ATP6V0A1: variants seen among roughly 807,000 people sequenced by gnomAD.
ATP6V0A1 encodes the protein ATPase H+ transporting V0 subunit a1.
ATP6V0A1 carries 43 observed loss-of-function variants against 105.4 expected under a neutral mutation model. The observed-to-expected ratio is 0.41, with a 90% CI of 0.32 to 0.53. The LOEUF is 0.53. Ranked by LOEUF, ATP6V0A1 falls within the 20% of genes least tolerant of loss-of-function variation. The pLI is 0.30. For synonymous variants in ATP6V0A1, 362 were observed against 372.8 expected (o/e 0.97, Z 0.33); for missense variants, 676 against 1,051.1 (o/e 0.64, Z 4.93).
At chr17:42,495,875 C>T in intron 14 of ATP6V0A1, 159 bp downstream of exon 14, 1 of 604,190 alleles carries the variant, frequency 1.7e-6, no homozygotes, top group Non-Finnish European at 2.9e-6. Flanking sequence ...GAGGTGGGAT[C>T]ACCTGAGGTC....
intron 5 of ATP6V0A1, among the ~76,000 whole-genome samples, chr17:42,474,319 C>T (rs979839223): frequency 6.6e-6 from 1 of 151,174 alleles, no homozygotes; most frequent in Non-Finnish European, 1.5e-5. Context: ...CTATTTTATT[C>T]AAAACTTTTT....
Position 42,468,214 on chromosome 17 carries a change from T to C in ATP6V0A1, c.294+107T>C, listed in dbSNP as rs1029141731. The C allele has an allele frequency of 6.5e-6, 4 of 611,162 alleles. No individual in the cohort carries two copies. The African/African-American group carries it at 7.7e-5, about 12-fold the overall frequency. 37.9% of individuals were successfully genotyped at this position (611,162 alleles called of 1,614,324 possible). ...TAATTCTTGCTAACTTTGTCAGCAT[T>C]ATCTACTGATTGTAAGTTTCTTGTA... On this transcript the variant is annotated intron_variant, in intron 4 of 21. Transcript: ENST00000343619.
intron 17 of ATP6V0A1, among the ~76,000 whole-genome samples, chr17:42,503,130 C>A (rs138259162): frequency 3.3e-5 from 5 of 152,168 alleles, no homozygotes; most frequent in African/African-American, 1.2e-4. Flanking sequence ...TTGTTGTACC[C>A]TCACTGAGTC....
At chr17:42,474,003 C>T (rs2088358914) in intron 5 of ATP6V0A1, among the ~76,000 whole-genome samples, 1 of 151,510 alleles carries the variant, frequency 6.6e-6, no homozygotes, top group Non-Finnish European at 1.5e-5. Context: ...TTTTCCCTCT[C>T]CTATTTTTTT....
Position 42,521,412 on chromosome 17 carries a change from C to T in ATP6V0A1, c.*292C>T. The T allele has an allele frequency of 7.9e-6, 2 of 252,278 alleles. No homozygotes were observed. The highest frequency in any genetic ancestry group is 1.5e-5 in the Non-Finnish European group (2 of 131,856). The allele number at this position is 252,278 out of a possible 1,614,324, so 15.6% of individuals were successfully genotyped here. A position where few individuals can be genotyped will look rare whatever the true frequency, so the allele number is the denominator to read the frequency against. On this transcript the variant is annotated 3_prime_UTR_variant, in exon 22 of 22. Transcript: ENST00000343619. This position sits in a 1 kb window ranked among gnomAD's most constrained non-coding sequence, Gnocchi z 4.8. ...CACCTCCTGGTGGTGAGCCAGTCTG[C>T]ATTCCCACGCCATCCCAAAGCCCTT...
chr17:42,469,323 CTTTTTTT>C (rs58501978), intron 4 of ATP6V0A1, among the ~76,000 whole-genome samples: 170 of 102,312 alleles, frequency 1.7e-3, no homozygotes, highest in African/African-American at 5.9e-3. Flanking sequence ...AAAGGAAAGA[CTTTTTTT>C]TTTTTTTTTT....
chr17:42,483,006 A>G (rs1313738503), intron 8 of ATP6V0A1, 32 bp from the exon 9 acceptor site: 2 of 1,382,336 alleles, frequency 1.4e-6, no homozygotes, highest in Admixed American at 5.0e-5. Flanking sequence ...AAATTAGATA[A>G]GTTAAGAAAC....
intron 8 of ATP6V0A1, 39 bp downstream of exon 8, chr17:42,480,788 G>A: frequency 6.3e-7 from 1 of 1,578,240 alleles, no homozygotes; most frequent in South Asian, 1.1e-5. Flanking sequence ...GCACAGCCAT[G>A]CTGCCCAACT....
At position 42,487,396 on chromosome 17, in the gene ATP6V0A1, C is replaced by T. The variant is rs189152371; in HGVS notation, c.1023+29C>T. 1.3e-3 allele frequency: 2,020 copies of T among 1,606,028 alleles called. 1 individual carries two copies. Among genetic ancestry groups the T allele is most frequent in the Admixed American group, 2.6e-3 (157 of 59,996 alleles). On this transcript the variant is annotated intron_variant, in intron 10 of 21. Coordinates refer to ENST00000343619, the MANE Select transcript of ATP6V0A1 (RefSeq NM_001130021.3). ...AGTCCCCAAAGCTAACAATGCAGCT[C>T]GTGGCCCGGAAGAGAGGTTCCCATC...
chr17:42,494,313 C>CT (rs1196178208), intron 11 of ATP6V0A1, 21 bp from the exon 12 acceptor site: 5 of 1,592,652 alleles, frequency 3.1e-6, no homozygotes, highest in Admixed American at 1.7e-5. Context: ...TTGTATTTTT[C>CT]TTTTTTTGGT....
In ATP6V0A1 at chr17:42,469,787, C is replaced by T. The variant is rs542908017; in HGVS notation, c.295-303C>T. Among the ~76,000 whole-genome samples the T allele has an allele frequency of 2.8e-4, 42 of 152,286 alleles. No homozygotes were observed. In the South Asian group the frequency reaches 6.2e-3, roughly 23 times the overall value. ...CCTCCCAAGTAGCTGGGACTACAGTCATGCGCCAGCACGCCCAGCTAATTT... is the reference window on the plus strand; with the variant it reads ...CCTCCCAAGTAGCTGGGACTACAGTTATGCGCCAGCACGCCCAGCTAATTT... On this transcript the variant is annotated intron_variant, in intron 4 of 21. Coordinates refer to ENST00000343619, the MANE Select transcript of ATP6V0A1 (RefSeq NM_001130021.3).
chr17:42,464,412 C>CT (rs1283310405), intron 2 of ATP6V0A1, among the ~76,000 whole-genome samples: 1 of 143,738 alleles, frequency 7.0e-6, no homozygotes, highest in Non-Finnish European at 1.5e-5. Flanking sequence ...TTTTTTTTTT[C>CT]TTTTTTTTGA....
intron 17 of ATP6V0A1, among the ~76,000 whole-genome samples, chr17:42,502,500 A>G (rs1466215691): frequency 6.6e-6 from 1 of 151,964 alleles, no homozygotes; most frequent in Admixed American, 6.6e-5. Context: ...GCGCGCGCAC[A>G]CACACACACA....
intron 2 of ATP6V0A1, among the ~76,000 whole-genome samples, chr17:42,461,275 C>T (rs1323086911): frequency 6.6e-6 from 1 of 152,020 alleles, no homozygotes; most frequent in African/African-American, 2.4e-5. Context: ...GAGAGGTTAC[C>T]AAACTAACCT....
chr17:42,495,723 G>A lies in ATP6V0A1; in HGVS notation c.1560+7G>A. On this transcript the variant is annotated splice_region_variant and intron_variant, in intron 14 of 21. Coordinates refer to ENST00000343619, the MANE Select transcript of ATP6V0A1 (RefSeq NM_001130021.3). ...CCCTTTTGGCATTGATCCAGTAAGA[G>A]GACTTCCTTCCTATATGCTAACCTC... 1 of 1,607,232 alleles carries A rather than the reference G, an allele frequency of 6.2e-7. No homozygotes were observed. Among genetic ancestry groups the A allele is most frequent in the Non-Finnish European group, 8.5e-7 (1 of 1,173,832 alleles).
chr17:42,514,549 C>T, intron 21 of ATP6V0A1, 89 bp downstream of exon 21: 1 of 1,318,660 alleles, frequency 7.6e-7, no homozygotes, highest in Non-Finnish European at 1.0e-6. Context: ...CACAGCCCTG[C>T]AGCTCTGTGC....
At chr17:42,520,366 G>A (rs1273548026) in intron 21 of ATP6V0A1, 1 of 451,204 alleles carries the variant, frequency 2.2e-6, no homozygotes, top group Non-Finnish European at 4.5e-6. Context: ...AGAGTGAAAG[G>A]GCCCCACAGA....
chr17:42,514,156 A>G, intron 20 of ATP6V0A1, 133 bp from the exon 21 acceptor site: 1 of 1,322,870 alleles, frequency 7.6e-7, no homozygotes, highest in Non-Finnish European at 1.1e-6. Flanking sequence ...TTAGCTCTGC[A>G]TGGTGGTCCC....
chr17:42,475,809 A>G (rs1175869339), intron 5 of ATP6V0A1, among the ~76,000 whole-genome samples: 1 of 152,158 alleles, frequency 6.6e-6, no homozygotes, highest in Non-Finnish European at 1.5e-5. Flanking sequence ...TAGCAATTCA[A>G]ATATTATCGC....
Sources: allele counts gnomAD v4.1 joint callset (sites outside exome capture counted in the v4.1 genomes callset), GRCh38; gene constraint gnomAD v4.1.1; non-coding constraint Gnocchi (gnomAD v3.1); transcripts MANE v1.5; gene names NCBI Gene and HGNC (gene_info 2026-07-23, HGNC 2026-07-21).